The following MYO1E variants were observed in gnomAD, a reference collection of about 807,000 sequenced individuals.
The protein encoded by MYO1E is unconventional myosin-Ie.
A neutral mutation model predicts 151.1 loss-of-function variants in MYO1E; 68 were observed. That is an observed-to-expected ratio of 0.45 (90% confidence interval 0.37 to 0.55). The LOEUF (loss-of-function observed/expected upper bound fraction) is 0.55. Ranked by LOEUF, MYO1E falls within the 20% of genes least tolerant of loss-of-function variation. The pLI, the probability that MYO1E is intolerant of heterozygous loss-of-function variation, is 0.00. For synonymous variants in MYO1E, 601 were observed against 501.7 expected, an observed-to-expected ratio of 1.20 and a Z score of -2.64; for missense variants, 1,363 against 1,389.3, an observed-to-expected ratio of 0.98 and a Z score of 0.30.
chr15:59,330,365 G>A (rs1256170465), intron 1 of MYO1E, among the ~76,000 whole-genome samples: 1 of 152,164 alleles, frequency 6.6e-6, no homozygotes, highest in African/African-American at 2.4e-5. Flanking sequence ...CCAGTTTCCA[G>A]CTTTAAGAGT....
chr15:59,322,331 T>C (rs2080631896), intron 1 of MYO1E, among the ~76,000 whole-genome samples: 2 of 152,164 alleles, frequency 1.3e-5, no homozygotes, highest in Admixed American at 6.5e-5. Context: ...TAAAAGATAA[T>C]GTGTTTTGTG....
chr15:59,294,676 T>TC (rs2080438898), intron 1 of MYO1E, among the ~76,000 whole-genome samples: 1 of 152,162 alleles, frequency 6.6e-6, no homozygotes, highest in Non-Finnish European at 1.5e-5. Context: ...GTTTGACTCT[T>TC]CCTAACAGCC....
At chr15:59,245,764 T>C (rs1432500571) in intron 4 of MYO1E, among the ~76,000 whole-genome samples, 1 of 152,214 alleles carries the variant, frequency 6.6e-6, no homozygotes, top group Non-Finnish European at 1.5e-5. Context: ...CACATAAATG[T>C]TCTCCAAGGC....
At chr15:59,170,597 A>C (rs994500888) in intron 22 of MYO1E, among the ~76,000 whole-genome samples, 5 of 150,510 alleles carry the variant, frequency 3.3e-5, no homozygotes, top group East Asian at 2.0e-4. Flanking sequence ...TAAAAAAAAA[A>C]CAAAAAAAAC....
chr15:59,177,945 C>T (rs2079635022), intron 19 of MYO1E, among the ~76,000 whole-genome samples: 1 of 152,216 alleles, frequency 6.6e-6, no homozygotes, highest in South Asian at 2.1e-4. Context: ...TGAGACTATG[C>T]GTAACTGACT....
At chr15:59,138,645 A>G (rs1208065575) in intron 26 of MYO1E, among the ~76,000 whole-genome samples, 1 of 152,218 alleles carries the variant, frequency 6.6e-6, no homozygotes, top group Admixed American at 6.5e-5. Context: ...ATATCCATAA[A>G]AAAGTGTCAA....
chr15:59,148,626 T>C (rs774562423), intron 26 of MYO1E, among the ~76,000 whole-genome samples: 5 of 152,260 alleles, frequency 3.3e-5, no homozygotes, highest in Middle Eastern at 3.4e-3. Flanking sequence ...GCTGCTCCCA[T>C]AGATTATGGG....
intron 1 of MYO1E, among the ~76,000 whole-genome samples, chr15:59,337,541 T>C (rs2080736712): frequency 6.6e-6 from 1 of 152,284 alleles, no homozygotes; most frequent in South Asian, 2.1e-4. Context: ...GTCAAAAATA[T>C]TTCGCTCGGC....
intron 1 of MYO1E, among the ~76,000 whole-genome samples, chr15:59,317,562 T>C (rs1198601755): frequency 6.9e-6 from 1 of 144,846 alleles, no homozygotes. Flanking sequence ...AGTATGACTA[T>C]ACAAACTGTT....
intron 1 of MYO1E, among the ~76,000 whole-genome samples, chr15:59,289,375 C>T (rs1261771287): frequency 6.6e-6 from 1 of 152,174 alleles, no homozygotes; most frequent in East Asian, 1.9e-4. Flanking sequence ...AATCAAACTG[C>T]ATGAGGAGAC....
intron 4 of MYO1E, among the ~76,000 whole-genome samples, chr15:59,248,127 C>CAAAAAAA (rs138467126): frequency 2.2e-4 from 8 of 35,906 alleles, no homozygotes; most frequent in East Asian, 2.0e-3. Context: ...GACTCCGTCT[C>CAAAAAAA]AAAAAAAAAA....
At chr15:59,205,570 T>G in intron 14 of MYO1E, 85 bp from the exon 15 acceptor site, 1 of 1,349,474 alleles carries the variant, frequency 7.4e-7, no homozygotes, top group South Asian at 1.2e-5. Flanking sequence ...AAAAATCTAA[T>G]TTCACCAAAC....
intron 4 of MYO1E, among the ~76,000 whole-genome samples, chr15:59,245,956 G>T (rs1432499482): frequency 2.0e-5 from 3 of 152,094 alleles, no homozygotes; most frequent in Admixed American, 6.5e-5. Flanking sequence ...GACATCCAAA[G>T]GTATCACATA....
At chr15:59,264,163 T>C (rs2080240030) in intron 2 of MYO1E, among the ~76,000 whole-genome samples, 2 of 152,200 alleles carry the variant, frequency 1.3e-5, no homozygotes, top group African/African-American at 4.8e-5. Flanking sequence ...CGAAATGCTC[T>C]GAAGAGCATC....
intron 24 of MYO1E, 113 bp downstream of exon 24, chr15:59,160,957 AAGC>A (rs2079534684): frequency 1.2e-5 from 17 of 1,366,594 alleles, no homozygotes; most frequent in Non-Finnish European, 1.7e-5. Flanking sequence ...GAGCCCCAGC[AAGC>A]AGAAGGTGTA....
chr15:59,252,542 C>A (rs1466625541), intron 4 of MYO1E, among the ~76,000 whole-genome samples: 1 of 152,150 alleles, frequency 6.6e-6, no homozygotes, highest in Non-Finnish European at 1.5e-5. Flanking sequence ...TGGGGAAACC[C>A]CGTCTCTACT....
chr15:59,339,039 T>A (rs1187165230), intron 1 of MYO1E, among the ~76,000 whole-genome samples: 1 of 152,136 alleles, frequency 6.6e-6, no homozygotes, highest in Non-Finnish European at 1.5e-5. Context: ...GGCTGAGGCA[T>A]GAGAATTGCT....
At chr15:59,340,373 T>C (rs1291490579) in intron 1 of MYO1E, among the ~76,000 whole-genome samples, 3 of 144,932 alleles carry the variant, frequency 2.1e-5, no homozygotes, top group Non-Finnish European at 4.6e-5. Context: ...ACTTTTCACA[T>C]TAACCTTTTT....
chr15:59,140,924 A>G (rs2079405148), intron 26 of MYO1E, among the ~76,000 whole-genome samples: 1 of 152,156 alleles, frequency 6.6e-6, no homozygotes, highest in Admixed American at 6.5e-5. Context: ...GAGGAAAGGC[A>G]TTTTGTAGGT....
Sources: gnomAD v4.1 joint callset for allele counts (sites outside exome capture counted in the v4.1 genomes callset) on GRCh38, gnomAD v4.1.1 for gene constraint, MANE v1.5 for transcripts, NCBI Gene and HGNC (gene_info 2026-07-23, HGNC 2026-07-21) for gene names.